The following SMIM36 variants were observed in gnomAD, a reference collection of about 807,000 sequenced individuals.
SMIM36 encodes the protein small integral membrane protein 36.
intron 3 of SMIM36, chr17:55,468,452 C>T (rs916945821): frequency 5.2e-5 from 8 of 153,174 alleles, no homozygotes; most frequent in African/African-American, 1.4e-4. Flanking sequence ...AAAACTCCGA[C>T]GTCGGTCACG....
At chr17:55,480,578 C>T (rs762178509) in intron 1 of SMIM36, among the ~76,000 whole-genome samples, 2 of 152,188 alleles carry the variant, frequency 1.3e-5, no homozygotes, top group Admixed American at 6.5e-5. Flanking sequence ...AAACCCACAT[C>T]CCTGGGATAC....
intron 1 of SMIM36, among the ~76,000 whole-genome samples, chr17:55,496,281 T>A (rs1315430630): frequency 3.9e-5 from 6 of 152,146 alleles, no homozygotes. Context: ...TGTACGCCTG[T>A]CAACTTCAAA....
chr17:55,515,514 A>G (rs1910260423), upstream of SMIM36, among the ~76,000 whole-genome samples: 1 of 152,172 alleles, frequency 6.6e-6, no homozygotes, highest in Admixed American at 6.5e-5. Flanking sequence ...GTTAAGGGTG[A>G]GATTTCACTG....
chr17:55,463,048 T>C (rs1909173054), intron 4 of SMIM36, among the ~76,000 whole-genome samples: 1 of 152,164 alleles, frequency 6.6e-6, no homozygotes, highest in Non-Finnish European at 1.5e-5. Context: ...TTTTTTCTTT[T>C]CTAATTGGAG....
At chr17:55,500,960 TTTATAATATATATTATAATATATTATATA>T (rs1400342715) in intron 1 of SMIM36, among the ~76,000 whole-genome samples, 4 of 29,880 alleles carry the variant, frequency 1.3e-4, no homozygotes, top group Non-Finnish European at 2.0e-4. Flanking sequence ...TATATTATAT[TTTATAATATATATTATAATATATTATATA>T]TTATAATATG....
At chr17:55,470,847 C>T (rs948499836) in intron 3 of SMIM36, among the ~76,000 whole-genome samples, 5 of 152,128 alleles carry the variant, frequency 3.3e-5, no homozygotes, top group African/African-American at 1.2e-4. Context: ...CCACAGCAGG[C>T]TTTAAAAGGG....
intron 4 of SMIM36, among the ~76,000 whole-genome samples, chr17:55,457,451 CAAA>C (rs1179896909): frequency 1.3e-3 from 80 of 61,658 alleles, no homozygotes; most frequent in African/African-American, 4.1e-3. Flanking sequence ...AACTCCGTCT[CAAA>C]AAAAAAAAAA....
At chr17:55,472,480 C>CTAA (rs1260803205) in intron 3 of SMIM36, among the ~76,000 whole-genome samples, 1 of 152,198 alleles carries the variant, frequency 6.6e-6, no homozygotes, top group Non-Finnish European at 1.5e-5. Context: ...CAATGCCTTC[C>CTAA]TAATAAGGGC....
chr17:55,516,273 C>G (rs1207620851), upstream of SMIM36, among the ~76,000 whole-genome samples: 1 of 152,160 alleles, frequency 6.6e-6, no homozygotes, highest in Non-Finnish European at 1.5e-5. Context: ...TTATTTGAAC[C>G]AATTTCTCTT....
chr17:55,474,309 C>T lies in SMIM36; in HGVS notation c.*347+4453G>A, dbSNP rs541141532. Among the ~76,000 whole-genome samples the T allele has an allele frequency of 2.3e-4, 35 of 152,288 alleles. No individual in the cohort carries two copies. In the East Asian group the frequency reaches 6.4e-3, roughly 28 times the overall value. On this transcript the variant is annotated intron_variant, in intron 3 of 4. Transcript: ENST00000636752. ...AGCCCTTTAGGTGGCTTAGGCCTGT[C>T]CTGTGGAGCATCCCTGCAGGGGACT...
intron 4 of SMIM36, among the ~76,000 whole-genome samples, chr17:55,459,364 G>A (rs1340720291): frequency 1.3e-5 from 2 of 151,974 alleles, no homozygotes; most frequent in Non-Finnish European, 2.9e-5. Flanking sequence ...TTTTTTTGTT[G>A]TTGTTCAAAT....
At position 55,501,364 on chromosome 17, in the gene SMIM36, A is replaced by ATTATGTT. The variant is rs1309685009; in HGVS notation, c.*174+9514_*174+9515insAACATAA. ...TTATATATTATATTTTATAATATAT[A>ATTATGTT]ATATATTATATATTATAGAATATAA... is the stretch of plus-strand genomic sequence containing the variant. On this transcript the variant is annotated intron_variant, in intron 1 of 4. Transcript: ENST00000636752. 8.6e-5 allele frequency among the ~76,000 whole-genome samples: 7 copies of ATTATGTT among 81,098 alleles called. 2 individuals are homozygous for ATTATGTT. Among genetic ancestry groups the ATTATGTT allele is most frequent in the African/African-American group, 2.5e-4 (4 of 16,192 alleles). 53.2% of individuals were successfully genotyped at this position (81,098 alleles called of 152,430 possible). A position where few individuals can be genotyped will look rare whatever the true frequency, so the allele number is the denominator to read the frequency against.
intron 4 of SMIM36, among the ~76,000 whole-genome samples, chr17:55,455,118 A>T (rs1908992801): frequency 6.6e-6 from 1 of 152,190 alleles, no homozygotes; most frequent in Non-Finnish European, 1.5e-5. Flanking sequence ...TTCCCTCTGG[A>T]GAGGTTGTAC....
At chr17:55,515,060 G>A (rs1910244850), upstream of SMIM36, among the ~76,000 whole-genome samples, 1 of 131,280 alleles carries the variant, frequency 7.6e-6, no homozygotes, top group East Asian at 2.5e-4. Context: ...AGACATTAAA[G>A]CAATGTTTTT....
At chr17:55,492,458 A>T (rs886495873) in intron 1 of SMIM36, among the ~76,000 whole-genome samples, 5 of 151,414 alleles carry the variant, frequency 3.3e-5, no homozygotes, top group African/African-American at 1.2e-4. Flanking sequence ...GTTGGCCAGG[A>T]TGGTCACGAT....
the SMIM36 span, among the ~76,000 whole-genome samples, chr17:55,520,068 G>A: frequency 6.6e-6 from 1 of 152,188 alleles, no homozygotes; most frequent in African/African-American, 2.4e-5. Context: ...AGAAGTTCTG[G>A]TCCTTGCTGT....
intron 4 of SMIM36, among the ~76,000 whole-genome samples, chr17:55,461,736 G>A (rs960929757): frequency 6.6e-5 from 10 of 152,258 alleles, no homozygotes; most frequent in African/African-American, 1.9e-4. Flanking sequence ...TCATTTTTAT[G>A]ATCTTCATTT....
At chr17:55,528,490 T>A in the SMIM36 span, among the ~76,000 whole-genome samples, 1 of 151,936 alleles carries the variant, frequency 6.6e-6, no homozygotes, top group Non-Finnish European at 1.5e-5. Flanking sequence ...TCGCTTGGAT[T>A]ATAGGCGCAC....
chr17:55,500,300 C>T (rs142346134), intron 1 of SMIM36, among the ~76,000 whole-genome samples: 38 of 152,016 alleles, frequency 2.5e-4, no homozygotes, highest in African/African-American at 8.4e-4. Context: ...AATTCTTTCA[C>T]TTCTTATAGA....
Sources: gnomAD v4.1 joint callset for allele counts (sites outside exome capture counted in the v4.1 genomes callset) on GRCh38, gnomAD v4.1.1 for gene constraint, MANE v1.5 for transcripts, NCBI Gene and HGNC (gene_info 2026-07-23, HGNC 2026-07-21) for gene names.